The following MACROD2 variants were observed in gnomAD, a reference collection of about 807,000 sequenced individuals.
MACROD2 encodes the protein mono-ADP ribosylhydrolase 2.
In MACROD2, 36 loss-of-function variants were observed where a neutral mutation model predicts 70.4. The ratio of observed to expected loss-of-function variants is 0.51; its 90% CI spans 0.39 to 0.68. MACROD2 has a LOEUF of 0.68. Ranked by LOEUF, MACROD2 falls within the 30% of genes least tolerant of loss-of-function variation. MACROD2 has a pLI of 0.00. For synonymous variants in MACROD2, 172 were observed against 178.8 expected, an observed-to-expected ratio of 0.96 and a Z score of 0.30; for missense variants, 496 against 538.4, an observed-to-expected ratio of 0.92 and a Z score of 0.78.
At chr20:15,610,392 C>T (rs543002000) in intron 8 of MACROD2, among the ~76,000 whole-genome samples, 187 of 152,298 alleles carry the variant, frequency 1.2e-3, no homozygotes, top group Non-Finnish European at 2.4e-3. Context: ...CCTTGCTTCT[C>T]TTCTAGCTTC....
At chr20:14,656,603 A>G (rs778437539) in intron 4 of MACROD2, among the ~76,000 whole-genome samples, 7 of 152,208 alleles carry the variant, frequency 4.6e-5, no homozygotes, top group Non-Finnish European at 8.8e-5. Flanking sequence ...AACACTATTC[A>G]TATTTCATTA....
chr20:14,818,333 G>A (rs1042994745), intron 5 of MACROD2, among the ~76,000 whole-genome samples: 26 of 152,052 alleles, frequency 1.7e-4, no homozygotes, highest in Non-Finnish European at 2.9e-5. Flanking sequence ...TCTACTATGA[G>A]TAGTACAAAA....
chr20:14,443,891 A>C (rs919781969), intron 3 of MACROD2, among the ~76,000 whole-genome samples: 1 of 152,170 alleles, frequency 6.6e-6, no homozygotes, highest in African/African-American at 2.4e-5. Flanking sequence ...CAAAGCATTT[A>C]AAGCACTTAG....
At chr20:15,209,113 TG>T (rs1568638175) in intron 5 of MACROD2, among the ~76,000 whole-genome samples, 2 of 111,790 alleles carry the variant, frequency 1.8e-5, no homozygotes, top group Non-Finnish European at 4.0e-5. Flanking sequence ...GTGGTGGTGG[TG>T]GTATTTATTT....
At chr20:15,767,998 G>T (rs557915932) in intron 8 of MACROD2, among the ~76,000 whole-genome samples, 72 of 151,358 alleles carry the variant, frequency 4.8e-4, no homozygotes, top group African/African-American at 1.7e-3. Context: ...TTATAAAGCT[G>T]TATCATATCT....
chr20:15,924,684 A>C (rs965146989), intron 10 of MACROD2, among the ~76,000 whole-genome samples: 1 of 152,234 alleles, frequency 6.6e-6, no homozygotes, highest in African/African-American at 2.4e-5. Flanking sequence ...GGTACTCAAC[A>C]AACATTAATT....
intron 6 of MACROD2, among the ~76,000 whole-genome samples, chr20:15,307,327 A>T (rs551158855): frequency 2.0e-5 from 3 of 152,332 alleles, no homozygotes; most frequent in Admixed American, 2.0e-4. Flanking sequence ...TAAGGCTTGG[A>T]TCTTTTGGTC....
intron 3 of MACROD2, among the ~76,000 whole-genome samples, chr20:14,192,446 A>T (rs1408029139): frequency 6.6e-6 from 1 of 152,160 alleles, no homozygotes; most frequent in Non-Finnish European, 1.5e-5. Context: ...GACACACGGG[A>T]GGTGTATCTT....
At chr20:15,438,431 G>C (rs568905844) in intron 7 of MACROD2, among the ~76,000 whole-genome samples, 2 of 152,270 alleles carry the variant, frequency 1.3e-5, no homozygotes, top group African/African-American at 4.8e-5. Context: ...CTAATGATAA[G>C]TGCATTGAGC....
intron 5 of MACROD2, among the ~76,000 whole-genome samples, chr20:15,077,196 T>C (rs2075664815): frequency 6.6e-6 from 1 of 151,914 alleles, no homozygotes; most frequent in Non-Finnish European, 1.5e-5. Flanking sequence ...AACTCCTTTT[T>C]TTGTTTGTTT....
chr20:15,906,061 C>A (rs1216664488), intron 10 of MACROD2, among the ~76,000 whole-genome samples: 1 of 152,090 alleles, frequency 6.6e-6, no homozygotes, highest in Non-Finnish European at 1.5e-5. Flanking sequence ...TTGCTGCTGG[C>A]AGAAGGAAAG....
At chr20:14,113,268 A>G (rs1355130674) in intron 3 of MACROD2, among the ~76,000 whole-genome samples, 1 of 152,016 alleles carries the variant, frequency 6.6e-6, no homozygotes, top group Non-Finnish European at 1.5e-5. Context: ...ATTTGAAGCA[A>G]ATTTATGGCA....
rs74684980 is a variant in MACROD2, at chr20:15,508,353, A to T, written c.645+8506A>T. ...TTTAAATAGGCATGGAGGGTAATTC[A>T]TATATACTGCTAATAGGTCTAGACC... On this transcript the variant is annotated intron_variant, in intron 8 of 17. Coordinates refer to ENST00000684519, the MANE Select transcript of MACROD2 (RefSeq NM_001351661.2). Among the ~76,000 whole-genome samples the T allele has an allele frequency of 5.6e-3, 846 of 152,182 alleles. 10 individuals are homozygous for T. The highest frequency in any genetic ancestry group is 0.019 in the African/African-American group (801 of 41,508).
At chr20:15,809,993 T>A (rs567907095) in intron 8 of MACROD2, among the ~76,000 whole-genome samples, 83 of 150,794 alleles carry the variant, frequency 5.5e-4, no homozygotes, top group Admixed American at 1.1e-3. Flanking sequence ...TAGGTATATC[T>A]CCTAATGCTG....
At chr20:14,793,528 A>T (rs2123805789) in intron 5 of MACROD2, among the ~76,000 whole-genome samples, 1 of 152,030 alleles carries the variant, frequency 6.6e-6, no homozygotes, top group South Asian at 2.1e-4. Flanking sequence ...GGAAACAGGA[A>T]TCTTAGCAGT....
chr20:14,096,562 T>G (rs2148675800), intron 3 of MACROD2, among the ~76,000 whole-genome samples: 1 of 151,630 alleles, frequency 6.6e-6, no homozygotes, highest in Non-Finnish European at 1.5e-5. Flanking sequence ...AGAAATGGGG[T>G]TTTGCCATGT....
intron 15 of MACROD2, among the ~76,000 whole-genome samples, chr20:16,001,318 T>C (rs1453186153): frequency 6.6e-6 from 1 of 152,246 alleles, no homozygotes; most frequent in Non-Finnish European, 1.5e-5. Context: ...GGGAACTTGC[T>C]GTTTGAATGT....
intron 5 of MACROD2, among the ~76,000 whole-genome samples, chr20:14,832,270 A>G (rs576373858): frequency 6.6e-6 from 1 of 151,844 alleles, no homozygotes; most frequent in African/African-American, 2.4e-5. Flanking sequence ...TTCTTTAACT[A>G]CTTGATCTTC....
intron 2 of MACROD2, among the ~76,000 whole-genome samples, chr20:14,042,971 T>A (rs939136725): frequency 4.6e-5 from 7 of 151,374 alleles, no homozygotes; most frequent in Non-Finnish European, 1.0e-4. Flanking sequence ...CAGGCTGGAG[T>A]GCAGTGGTGT....
Sources: gnomAD v4.1 joint callset for allele counts (sites outside exome capture counted in the v4.1 genomes callset) on GRCh38, gnomAD v4.1.1 for gene constraint, MANE v1.5 for transcripts, NCBI Gene and HGNC (gene_info 2026-07-23, HGNC 2026-07-21) for gene names.